The following ITGA3 variants were observed in gnomAD, a reference collection of about 807,000 sequenced individuals.
The protein encoded by ITGA3 is integrin alpha-3.
ITGA3 carries 70 observed loss-of-function variants against 131.1 expected under a neutral mutation model. The ratio of observed to expected loss-of-function variants is 0.53; its 90% confidence interval spans 0.44 to 0.65. The LOEUF (loss-of-function observed/expected upper bound fraction) is 0.65. Among genes scored for constraint, ITGA3 ranks in the 30% least tolerant of loss-of-function variants. The pLI, the probability that ITGA3 is intolerant of heterozygous loss-of-function variation, is 0.00. For missense variants in ITGA3, 1,098 were observed against 1,388.6 expected, an observed-to-expected ratio of 0.79 and a Z score of 3.33; for synonymous variants, 537 against 571.6, an observed-to-expected ratio of 0.94 and a Z score of 0.86.
chr17:50,089,282 A>G lies in ITGA3; in HGVS notation c.*204A>G, dbSNP rs1598202062. Reference sequence around the variant, plus strand: ...TACTACTGACGTCCTCCCTGATCCCACCCCCTCCTCCCCCAGTGTCCCCTT... The same window carrying G: ...TACTACTGACGTCCTCCCTGATCCCGCCCCCTCCTCCCCCAGTGTCCCCTT... On this transcript the variant is annotated 3_prime_UTR_variant, in exon 26 of 26. Transcript: ENST00000320031. The G allele has an allele frequency of 6.3e-7, 1 of 1,577,836 alleles. No individual in the cohort carries two copies. Among genetic ancestry groups the G allele is most frequent in the Non-Finnish European group, 8.6e-7 (1 of 1,156,526 alleles).
rs1277928648 is a variant in ITGA3 at position 50,056,326 on chromosome 17, G to A, written c.-114G>A. 3 of 680,064 alleles carry A rather than the reference G, an allele frequency of 4.4e-6. No homozygotes were observed. The highest frequency in any genetic ancestry group is 6.8e-6 in the Non-Finnish European group (3 of 441,120). The allele number at this position is 680,064 out of a possible 1,614,324, so 42.1% of individuals were successfully genotyped here. ...AAACCGATCAGCGCTACGGAGCGCA[G>A]CGGCCGGCGGGTTCCAGTGTCCTCC... is the stretch of plus-strand genomic sequence containing the variant. On this transcript the variant is annotated 5_prime_UTR_variant, in exon 1 of 26. Transcript: ENST00000320031. The surrounding 1 kb of genome is among the most constrained non-coding windows in gnomAD (Gnocchi z 5.6).
At chr17:50,083,102 G>A (rs1213497705) in intron 23 of ITGA3, among the ~76,000 whole-genome samples, 1 of 152,198 alleles carries the variant, frequency 6.6e-6, no homozygotes, top group East Asian at 1.9e-4. Flanking sequence ...AGAAGGGCCA[G>A]AAAGATCAGT....
chr17:50,066,657 C>G (rs1908362980), intron 3 of ITGA3, among the ~76,000 whole-genome samples: 1 of 151,988 alleles, frequency 6.6e-6, no homozygotes, highest in Admixed American at 6.6e-5. Flanking sequence ...CGCCTGTAAT[C>G]CCAGCTGCCT....
chr17:50,070,965 A>G lies in ITGA3; in HGVS notation c.751+35A>G, dbSNP rs115842631. 1.5e-3 allele frequency: 2,019 copies of G among 1,323,772 alleles called. 36 individuals carry two copies. In the African/African-American group the frequency reaches 0.025, roughly 17 times the overall value. The allele number at this position is 1,323,772 out of a possible 1,614,324, so 82.0% of individuals were successfully genotyped here. ...GTAGTGGTAGCCCATCAAGTGGTAG[A>G]GGGGAAGGGGGCTTAGTCCCTGGTG... On this transcript the variant is annotated intron_variant, in intron 5 of 25. Transcript: ENST00000320031.
rs373731525 is a variant in ITGA3, at chr17:50,089,227, T to C, written c.*149T>C. 12 of 1,613,492 alleles carry C rather than the reference T, an allele frequency of 7.4e-6. No individual in the cohort carries two copies. Among genetic ancestry groups the C allele is most frequent in the Non-Finnish European group, 1.0e-5 (12 of 1,179,894 alleles). On this transcript the variant is annotated 3_prime_UTR_variant, in exon 26 of 26. Transcript: ENST00000320031. Reference sequence around the variant, plus strand: ...GAGCACCCTGCCCACCAAGAAGCACTGGGTGACCAGCTGGCAGACTCGGGA... The same window carrying C: ...GAGCACCCTGCCCACCAAGAAGCACCGGGTGACCAGCTGGCAGACTCGGGA...
intron 1 of ITGA3, among the ~76,000 whole-genome samples, chr17:50,057,997 C>A (rs1907910064): frequency 6.6e-6 from 1 of 151,890 alleles, no homozygotes; most frequent in Admixed American, 6.6e-5. Context: ...TCCTGAGCCA[C>A]CATGAGCACA....
intron 23 of ITGA3, chr17:50,087,375 A>T (rs1598200300): frequency 1.1e-5 from 2 of 186,930 alleles, no homozygotes; most frequent in Non-Finnish European, 2.2e-5. Context: ...TGAGGTAGTC[A>T]TTATGATCCC....
chr17:50,089,316 T>G lies in ITGA3; in HGVS notation c.*238T>G. On this transcript the variant is annotated 3_prime_UTR_variant, in exon 26 of 26. Coordinates refer to ENST00000320031, the MANE Select transcript of ITGA3 (RefSeq NM_002204.4). ...TCCCCCAGTGTCCCCTTTCTTCCTA[T>G]TTATCATAAGTTATGCCTCTGACAG... is the stretch of plus-strand genomic sequence containing the variant. 1 of 1,540,810 alleles carries G rather than the reference T, an allele frequency of 6.5e-7. No homozygotes were observed. Among genetic ancestry groups the G allele is most frequent in the South Asian group, 1.1e-5 (1 of 88,450 alleles).
rs1909640734 is a variant in ITGA3 at position 50,089,975 on chromosome 17, C to T, written c.*897C>T. ...CAAAGACAGGCAAACGGCAACGTAG[C>T]CTGGGCTCACTGTGCTGGGGCACGG... On this transcript the variant is annotated 3_prime_UTR_variant, in exon 26 of 26. Transcript: ENST00000320031. 4.6e-6 allele frequency: 1 copy of T among 216,238 alleles called. No individual in the cohort carries two copies. The highest frequency in any genetic ancestry group is 9.7e-6 in the Non-Finnish European group (1 of 102,568). 13.4% of individuals were successfully genotyped at this position (216,238 alleles called of 1,614,324 possible). A position where few individuals can be genotyped will look rare whatever the true frequency, so the allele number is the denominator to read the frequency against.
intron 4 of ITGA3, among the ~76,000 whole-genome samples, chr17:50,070,234 A>G (rs1374196300): frequency 6.6e-6 from 1 of 152,278 alleles, no homozygotes; most frequent in Non-Finnish European, 1.5e-5. Flanking sequence ...CAGGAGCCTG[A>G]GTGATTAAGT....
In ITGA3 at chr17:50,064,426, T is replaced by C; in HGVS notation, c.335-102T>C. On this transcript the variant is annotated intron_variant, in intron 2 of 25. Transcript: ENST00000320031. The surrounding 1 kb of genome is among the most constrained non-coding windows in gnomAD (Gnocchi z 4.4). ...AAGGGGAGTTGGGAGGGCTGCCCTG[T>C]GGGTGGAGGGCCCAAGCGGGACCCA... is the stretch of plus-strand genomic sequence containing the variant. The C allele has an allele frequency of 8.1e-7, 1 of 1,231,564 alleles. No homozygotes were observed. Among genetic ancestry groups the C allele is most frequent in the South Asian group, 1.4e-5 (1 of 69,026 alleles). The allele number at this position is 1,231,564 out of a possible 1,614,324, so 76.3% of individuals were successfully genotyped here.
chr17:50,071,899 C>T, intron 6 of ITGA3, 87 bp from the exon 7 acceptor site: 1 of 1,234,242 alleles, frequency 8.1e-7, no homozygotes, highest in Admixed American at 2.1e-5. Context: ...AGCCCTGTGC[C>T]CTGGCACAGT....
chr17:50,071,190 C>T, intron 5 of ITGA3, 121 bp from the exon 6 acceptor site: 1 of 934,474 alleles, frequency 1.1e-6, no homozygotes, highest in African/African-American at 1.6e-5. Flanking sequence ...TCTTGCCCTA[C>T]TTGGAATAGT....
In ITGA3 at chr17:50,089,331, G is replaced by T; in HGVS notation, c.*253G>T. 1.4e-6 allele frequency: 2 copies of T among 1,434,604 alleles called. No individual in the cohort carries two copies. Among genetic ancestry groups the T allele is most frequent in the Non-Finnish European group, 9.6e-7 (1 of 1,041,788 alleles). The allele number at this position is 1,434,604 out of a possible 1,614,324, so 88.9% of individuals were successfully genotyped here. On this transcript the variant is annotated 3_prime_UTR_variant, in exon 26 of 26. Transcript: ENST00000320031. ...TTTCTTCCTATTTATCATAAGTTAT[G>T]CCTCTGACAGTCCACAGGGGCCACC...
In ITGA3 at chr17:50,078,194, A is replaced by G. The variant is rs376047991; in HGVS notation, c.2220-13A>G. On this transcript the variant is annotated splice_polypyrimidine_tract_variant and intron_variant, in intron 17 of 25. Transcript: ENST00000320031. ...CTTGGATCACCTTCCTAACCCCTGC[A>G]TTTCCTCCCAAGGTCGAGTCACCAG... The G allele has an allele frequency of 4.1e-4, 658 of 1,613,636 alleles. 5 individuals are homozygous for G. The highest frequency in any genetic ancestry group is 4.6e-4 in the Non-Finnish European group (541 of 1,179,872).
At chr17:50,065,583 C>T (rs1243198051) in intron 3 of ITGA3, 1 of 152,258 alleles carries the variant, frequency 6.6e-6, no homozygotes, top group Non-Finnish European at 1.5e-5. Flanking sequence ...CTTGATAGTT[C>T]CACATGGCTG....
chr17:50,078,385 GC>G, intron 18 of ITGA3, 101 bp downstream of exon 18: 1 of 920,174 alleles, frequency 1.1e-6, no homozygotes, highest in Non-Finnish European at 1.7e-6. Flanking sequence ...CCCTCTCTTG[GC>G]CCAGTGTCCT....
At chr17:50,061,998 C>A in intron 1 of ITGA3, among the ~76,000 whole-genome samples, 1 of 149,718 alleles carries the variant, frequency 6.7e-6, no homozygotes, top group African/African-American at 2.5e-5. Flanking sequence ...CGAGGTTGTG[C>A]CACTGCACTC....
At chr17:50,067,439 C>T (rs1382780447) in intron 3 of ITGA3, among the ~76,000 whole-genome samples, 1 of 152,180 alleles carries the variant, frequency 6.6e-6, no homozygotes, top group Non-Finnish European at 1.5e-5. Context: ...AGGAGACAGC[C>T]TTGGTTTGAA....
Sources: gnomAD v4.1 joint callset for allele counts (sites outside exome capture counted in the v4.1 genomes callset) on GRCh38, gnomAD v4.1.1 for gene constraint, Gnocchi (gnomAD v3.1) non-coding constraint, MANE v1.5 for transcripts, NCBI Gene and HGNC (gene_info 2026-07-23, HGNC 2026-07-21) for gene names.